Variants in GPLD1 observed in about 807,000 individuals in gnomAD.
GPLD1 encodes the protein phosphatidylinositol-glycan-specific phospholipase D.
Under a neutral mutation model 112.6 loss-of-function variants are expected in GPLD1, and 84 were observed. The ratio of observed to expected loss-of-function variants is 0.75; its 90% CI spans 0.63 to 0.89. GPLD1 has a LOEUF of 0.89. Among genes scored for constraint, GPLD1 ranks in the 40% least tolerant of loss-of-function variants. The pLI is 0.00. For synonymous variants in GPLD1, 386 were observed against 403.8 expected, an observed-to-expected ratio of 0.96 and a Z score of 0.53; for missense variants, 1,044 against 1,051.5, an observed-to-expected ratio of 0.99 and a Z score of 0.10.
chr6:24,460,480 G>A (rs879035454), intron 11 of GPLD1, 81 bp from the exon 12 acceptor site: 10 of 1,435,986 alleles, frequency 7.0e-6, no homozygotes, highest in South Asian at 5.0e-5. Context: ...ATATAGTCAA[G>A]TTAATCACAG....
chr6:24,436,723 C>T lies in GPLD1; in HGVS notation c.2211G>A (p.Met737Ile). The change falls in exon 22 of 25, where the codon ATG becomes ATA. Residue 737 changes from methionine (M) to isoleucine (I), a missense_variant. Transcript: ENST00000230036. ...CATCTGCTATCCTCAGGGGGGCTGC[C>T]ATGATGATTTCATCTGAAAACAATA... Reference protein sequence around the residue: ...LDDDGLDEIIMAAPLRIADVT... With the variant: ...LDDDGLDEIIIAAPLRIADVT... The T allele has an allele frequency of 6.2e-7, 1 of 1,613,106 alleles. No individual in the cohort carries two copies. Among genetic ancestry groups the T allele is most frequent in the Non-Finnish European group, 8.5e-7 (1 of 1,179,832 alleles).
At chr6:24,434,034 AATATC>A (rs1270385695) in intron 22 of GPLD1, among the ~76,000 whole-genome samples, 3 of 152,182 alleles carry the variant, frequency 2.0e-5, no homozygotes, top group Non-Finnish European at 2.9e-5. Flanking sequence ...TCAGCCGGTA[AATATC>A]ATATTATATA....
chr6:24,464,107 A>T (rs1763520272), intron 10 of GPLD1, among the ~76,000 whole-genome samples: 2 of 152,224 alleles, frequency 1.3e-5, no homozygotes, highest in African/African-American at 4.8e-5. Context: ...TCACTCAAAC[A>T]TGCCCTTATG....
At chr6:24,450,019 A>C (rs1206545368) in intron 14 of GPLD1, 120 bp from the exon 15 acceptor site, 5 of 627,740 alleles carry the variant, frequency 8.0e-6, no homozygotes, top group Non-Finnish European at 1.1e-5. Flanking sequence ...CAAAAGCCGA[A>C]GGTGCAGTAA....
At position 24,433,184 on chromosome 6, in the gene GPLD1, C is replaced by T. The variant is rs1762459765; in HGVS notation, c.2436+3G>A. 1 of 1,604,838 alleles carries T rather than the reference C, an allele frequency of 6.2e-7. No individual in the cohort carries two copies. The highest frequency in any genetic ancestry group is 1.3e-5 in the African/African-American group (1 of 74,714). On this transcript the variant is annotated splice_donor_region_variant and intron_variant, in intron 24 of 24. Transcript: ENST00000230036. ...ATCAATGAAGTTCAGTCCTTGGGCT[C>T]ACCTTTGCCTTGGACCTCACGGTGA...
rs368618455 is a variant in GPLD1 at position 24,494,838 on chromosome 6, A to T, written n.239+129T>A. 8.7e-6 allele frequency: 7 copies of T among 807,390 alleles called. No homozygotes were observed. The Middle Eastern group carries it at 2.5e-3, about 291-fold the overall frequency. 50.0% of individuals were successfully genotyped at this position (807,390 alleles called of 1,614,324 possible). A position where few individuals can be genotyped will look rare whatever the true frequency, so the allele number is the denominator to read the frequency against. On this transcript the variant is annotated intron_variant and non_coding_transcript_variant, in intron 1 of 10. Coordinates refer to the GPLD1 transcript ENST00000474784. ...GCGGTGCAGCGAGAAAGACGCGGAG[A>T]GAGGGCGCTGCTCTGTGGCTCTGCA...
intron 12 of GPLD1, among the ~76,000 whole-genome samples, chr6:24,459,598 G>A (rs1041432586): frequency 7.9e-5 from 12 of 152,212 alleles, no homozygotes; most frequent in Non-Finnish European, 5.9e-5. Flanking sequence ...CATGGTATGT[G>A]TTGCAGTCTA....
intron 2 of GPLD1, among the ~76,000 whole-genome samples, chr6:24,483,719 C>T (rs1389819821): frequency 6.6e-6 from 1 of 151,666 alleles, no homozygotes; most frequent in East Asian, 2.0e-4. Flanking sequence ...TAGAGTAAAT[C>T]TTGCGGTGTC....
chr6:24,477,967 G>GA lies in GPLD1; in HGVS notation c.233-1690_233-1689insT, dbSNP rs1764078097. ...ATTCCCTGTAACTAGTCATATACCA[G>GA]TCCCAATCTTTTCATCACACAAGAC... is the stretch of plus-strand genomic sequence containing the variant. On this transcript the variant is annotated intron_variant, in intron 3 of 24. Coordinates refer to ENST00000230036, the MANE Select transcript of GPLD1 (RefSeq NM_001503.4). Among the ~76,000 whole-genome samples the GA allele has an allele frequency of 2.0e-5, 3 of 152,130 alleles. 1 individual carries two copies. The highest frequency in any genetic ancestry group is 7.2e-5 in the African/African-American group (3 of 41,404).
intron 2 of GPLD1, 79 bp downstream of exon 2, chr6:24,485,996 A>G: frequency 1.2e-6 from 1 of 856,776 alleles, no homozygotes. Context: ...TACTGTTTAA[A>G]TATCTGTTAG....
chr6:24,482,055 T>C (rs190527767), intron 2 of GPLD1, among the ~76,000 whole-genome samples: 126 of 151,500 alleles, frequency 8.3e-4, no homozygotes, highest in African/African-American at 2.9e-3. Context: ...AGAAGAGTAC[T>C]AACGAAGGAT....
chr6:24,457,869 T>A (rs1400689182), intron 12 of GPLD1, among the ~76,000 whole-genome samples: 2 of 146,852 alleles, frequency 1.4e-5, no homozygotes, highest in East Asian at 4.0e-4. Flanking sequence ...CAAGACTCCA[T>A]CTCAAAAAAA....
chr6:24,456,758 TA>T, intron 12 of GPLD1, 121 bp from the exon 13 acceptor site: 2 of 619,960 alleles, frequency 3.2e-6, no homozygotes, highest in Non-Finnish European at 5.5e-6. Context: ...TGCTAAACAA[TA>T]AAATAAAACA....
intron 3 of GPLD1, 151 bp downstream of exon 3, chr6:24,479,730 T>C (rs577454819): frequency 5.8e-6 from 3 of 520,618 alleles, no homozygotes; most frequent in African/African-American, 3.8e-5. Flanking sequence ...AACAATATTG[T>C]TGGGAAACAA....
chr6:24,495,168 C>T lies in GPLD1; in HGVS notation n.38G>A. The T allele has an allele frequency of 1.3e-6, 2 of 1,484,162 alleles. No homozygotes were observed. Among genetic ancestry groups the T allele is most frequent in the South Asian group, 1.3e-5 (1 of 78,508 alleles). The allele number at this position is 1,484,162 out of a possible 1,614,324, so 91.9% of individuals were successfully genotyped here. On this transcript the variant is annotated non_coding_transcript_exon_variant, in exon 1 of 11. Transcript: ENST00000474784. ...GCGCCTGGCGGGCCTCTCTGCGGCGCTGCTGCGCACCGACAGCTTCGTGGG... is the reference window on the plus strand; with the variant it reads ...GCGCCTGGCGGGCCTCTCTGCGGCGTTGCTGCGCACCGACAGCTTCGTGGG...
intron 1 of GPLD1, among the ~76,000 whole-genome samples, chr6:24,487,879 A>G (rs771089210): frequency 1.3e-5 from 2 of 152,212 alleles, no homozygotes; most frequent in Non-Finnish European, 2.9e-5. Flanking sequence ...ACTTAGCTGT[A>G]AAACTGTCTA....
At chr6:24,482,716 T>C (rs1258323598) in intron 2 of GPLD1, among the ~76,000 whole-genome samples, 1 of 150,576 alleles carries the variant, frequency 6.6e-6, no homozygotes, top group African/African-American at 2.4e-5. Context: ...TCCAGCACTT[T>C]GGGAGGATGA....
chr6:24,448,916 G>A (rs1355232840), intron 15 of GPLD1, among the ~76,000 whole-genome samples: 1 of 151,912 alleles, frequency 6.6e-6, no homozygotes, highest in East Asian at 1.9e-4. Flanking sequence ...CAGGTACTAG[G>A]TACACAATGA....
intron 20 of GPLD1, among the ~76,000 whole-genome samples, chr6:24,439,702 A>G (rs536031492): frequency 6.6e-6 from 1 of 152,352 alleles, no homozygotes; most frequent in East Asian, 1.9e-4. Flanking sequence ...GTAATGTTGT[A>G]GGCATTTCTA....
Sources: allele counts gnomAD v4.1 joint callset (sites outside exome capture counted in the v4.1 genomes callset), GRCh38; gene constraint gnomAD v4.1.1; transcripts MANE v1.5; gene names NCBI Gene and HGNC (gene_info 2026-07-23, HGNC 2026-07-21).